Variants in POLR2B observed in about 807,000 individuals in gnomAD.
POLR2B encodes the protein DNA-directed RNA polymerase II subunit RPB2.
In POLR2B, 57 loss-of-function variants were observed where a neutral mutation model predicts 144.6. The ratio of observed to expected loss-of-function variants is 0.39; its 90% CI spans 0.32 to 0.49. The LOEUF (loss-of-function observed/expected upper bound fraction) is 0.49, where lower values mean the gene tolerates loss of function less well. Ranked by LOEUF, POLR2B falls within the 20% of genes least tolerant of loss-of-function variation. POLR2B has a pLI of 0.83. For synonymous variants in POLR2B, 442 were observed against 469.8 expected, an observed-to-expected ratio of 0.94 and a Z score of 0.77; for missense variants, 595 against 1,467.4, an observed-to-expected ratio of 0.41 and a Z score of 9.71.
Position 57,005,267 on chromosome 4 carries a change from G to A in POLR2B, c.922G>A (p.Ala308Thr). ...ATAGGTTAAACCTTCTCTCGATGAA[G>A]CTTTTGTCATCCAAGAACAGAATGT... ...MEMVKPSLDE[A>T]FVIQEQNVAL... The change falls in exon 8 of 25, where the codon GCT becomes ACT. Residue 308 changes from alanine to threonine, a missense_variant. Ala to Thr is a moderately conservative substitution (Grantham distance 58, BLOSUM62 0). This residue lies in a region of POLR2B where 251 missense variants were observed against 567.3 expected (regional missense o/e 0.44). Coordinates refer to ENST00000314595, the MANE Select transcript of POLR2B (RefSeq NM_000938.3). 6.4e-7 allele frequency: 1 copy of A among 1,567,250 alleles called. No individual in the cohort carries two copies.
intron 3 of POLR2B, among the ~76,000 whole-genome samples, chr4:56,992,492 A>AAAAAAAAG (rs760090936): frequency 6.0e-4 from 53 of 88,502 alleles, no homozygotes; most frequent in South Asian, 8.6e-4. Flanking sequence ...AAAAAAAAAA[A>AAAAAAAAG]GAAAAGAAAA....
At chr4:57,005,784 C>T in intron 9 of POLR2B, 65 bp downstream of exon 9, 2 of 1,460,644 alleles carry the variant, frequency 1.4e-6, no homozygotes, top group Non-Finnish European at 1.9e-6. Flanking sequence ...TTGATCATTG[C>T]ATATGGCCAG....
chr4:56,998,174 G>A (rs1578567716), intron 6 of POLR2B, among the ~76,000 whole-genome samples: 1 of 152,022 alleles, frequency 6.6e-6, no homozygotes, highest in Middle Eastern at 3.4e-3. Flanking sequence ...TTCAGTTTTA[G>A]ATAAGATTTT....
Position 57,010,455 on chromosome 4 carries a change from AG to A in POLR2B, c.1500del (p.Gln500HisfsTer21). 1 of 1,614,138 alleles carries A rather than the reference AG, an allele frequency of 6.2e-7. No individual in the cohort carries two copies. The highest frequency in any genetic ancestry group is 8.5e-7 in the Non-Finnish European group (1 of 1,180,008). On this transcript the variant is annotated frameshift_variant, in exon 11 of 25. Coordinates refer to ENST00000314595, the MANE Select transcript of POLR2B (RefSeq NM_000938.3). LOFTEE classifies it high-confidence loss of function. Reference protein sequence around the residue: ...GRDGKLAKPRQLHNTLWGMVC... With the variant: ...GRDGKLAKPRXLHNTLWGMVC... The stretch of plus-strand genomic sequence containing the variant: ...GACGGCAAGCTAGCAAAACCAAGAC[AG>A]TTGCATAATACGTTGTGGGGAATGG...
At chr4:56,996,248 G>GTATA (rs1472846496) in intron 6 of POLR2B, among the ~76,000 whole-genome samples, 5 of 46,594 alleles carry the variant, frequency 1.1e-4, no homozygotes, top group African/African-American at 4.8e-4. Context: ...GTATGTATAT[G>GTATA]TGTGTGTGTG....
In POLR2B at chr4:56,978,929, T is replaced by C; in HGVS notation, c.-57T>C. 2.6e-6 allele frequency: 4 copies of C among 1,566,092 alleles called. No homozygotes were observed. Among genetic ancestry groups the C allele is most frequent in the South Asian group, 1.1e-5 (1 of 90,016 alleles). The stretch of plus-strand genomic sequence containing the variant: ...TTTAGCTCCTGGCGCTGCTGGCTTC[T>C]GGGCGGTTTTTGTCTTTTGATTTCA... On this transcript the variant is annotated 5_prime_UTR_variant, in exon 1 of 25. Coordinates refer to ENST00000314595, the MANE Select transcript of POLR2B (RefSeq NM_000938.3).
chr4:57,014,740 G>A (rs1466402569), intron 13 of POLR2B, among the ~76,000 whole-genome samples: 1 of 140,262 alleles, frequency 7.1e-6, no homozygotes, highest in Admixed American at 7.2e-5. Flanking sequence ...TCCTGACCTC[G>A]TGATCCATCC....
Position 57,022,172 on chromosome 4 carries a change from A to G in POLR2B, c.2441A>G (p.Tyr814Cys), listed in dbSNP as rs1027224995. Residue 814 changes from tyrosine to cysteine, a missense_variant, in exon 18 of 25, where the codon TAC (tyrosine) becomes TGC (cysteine). This residue lies in a region of POLR2B where 39 missense variants were observed against 174.3 expected (regional missense o/e 0.22). Transcript: ENST00000314595. ...GFFRSVFYRS[Y>C]KEQESKKGFD... ...TTTAGGTCTGTTTTCTATCGCTCAT[A>G]CAAAGAACAGGAGTCTAAAAAAGGA... 6.2e-7 allele frequency: 1 copy of G among 1,609,572 alleles called. No individual in the cohort carries two copies. Among genetic ancestry groups the G allele is most frequent in the Non-Finnish European group, 8.5e-7 (1 of 1,176,480 alleles).
chr4:56,980,504 T>C (rs1722124278), intron 1 of POLR2B, among the ~76,000 whole-genome samples: 1 of 152,096 alleles, frequency 6.6e-6, no homozygotes, highest in Non-Finnish European at 1.5e-5. Context: ...GGTGGATTAC[T>C]TGAGCTCAGG....
At position 57,010,377 on chromosome 4, in the gene POLR2B, CTT is replaced by C. The variant is rs1560479755; in HGVS notation, c.1424_1425del (p.Phe475CysfsTer16). 1 of 1,613,846 alleles carries C rather than the reference CTT, an allele frequency of 6.2e-7. No homozygotes were observed. Among genetic ancestry groups the C allele is most frequent in the South Asian group, 1.1e-5 (1 of 91,018 alleles). On this transcript the variant is annotated frameshift_variant, in exon 11 of 25. Transcript: ENST00000314595. LOFTEE classifies it high-confidence loss of function. ...TTTTTCTAGGTGTTAAACCGCCTGA[CTT>C]TTGCGTCTACTCTTTCTCACCTGCG...
At position 56,994,838 on chromosome 4, in the gene POLR2B, G is replaced by C. The variant is rs201474145; in HGVS notation, c.548G>C (p.Gly183Ala). The C allele has an allele frequency of 3.7e-6, 6 of 1,606,330 alleles. No individual in the cohort carries two copies. Among genetic ancestry groups the C allele is most frequent in the Non-Finnish European group, 4.3e-6 (5 of 1,174,374 alleles). Residue 183 changes from glycine (G) to alanine (A), a missense_variant, in exon 5 of 25, where the codon GGC becomes GCC. Around this residue, in one of 9 missense-constraint regions of POLR2B, gnomAD observed 251 missense variants for 567.3 expected, o/e 0.44. Coordinates refer to ENST00000314595, the MANE Select transcript of POLR2B (RefSeq NM_000938.3). ...ELNECPLDPG[G>A]YFIINGSEKV... ...AATGAATGCCCTTTGGATCCTGGTG[G>C]CTATTTCATTATTAATGGATCAGAA... is the stretch of plus-strand genomic sequence containing the variant.
rs1722979284 is a variant in POLR2B at position 57,005,227 on chromosome 4, T to C, written c.901-19T>C. On this transcript the variant is annotated intron_variant, in intron 7 of 24. Transcript: ENST00000314595. The stretch of plus-strand genomic sequence containing the variant: ...GCAACATGAATTTGAAAATAACTTT[T>C]ATTTAAATTGTCTGATAGGTTAAAC... 1.4e-6 allele frequency: 2 copies of C among 1,430,986 alleles called. No individual in the cohort carries two copies. The highest frequency in any genetic ancestry group is 1.5e-5 in the South Asian group (1 of 66,644). 88.6% of individuals were successfully genotyped at this position (1,430,986 alleles called of 1,614,324 possible). A position where few individuals can be genotyped will look rare whatever the true frequency, so the allele number is the denominator to read the frequency against.
intron 1 of POLR2B, among the ~76,000 whole-genome samples, chr4:56,981,861 G>A (rs981111994): frequency 3.9e-5 from 6 of 152,148 alleles, no homozygotes; most frequent in African/African-American, 1.4e-4. Context: ...CATTAAGATA[G>A]CTCTAAGATT....
At chr4:56,996,262 G>GTATACA (rs1553910009) in intron 6 of POLR2B, among the ~76,000 whole-genome samples, 6 of 88,882 alleles carry the variant, frequency 6.8e-5, no homozygotes, top group African/African-American at 2.9e-4. Flanking sequence ...GTGTGTGTGT[G>GTATACA]TATATATATA....
chr4:56,995,284 A>G lies in POLR2B; in HGVS notation c.610A>G (p.Thr204Ala). Residue 204 changes from threonine (T) to alanine (A), a missense_variant, in exon 6 of 25, where the codon ACA (threonine) becomes GCA (alanine). Physicochemically the swap from Thr to Ala is moderately conservative, Grantham distance 58. Transcript: ENST00000314595. ...LIAQEKMATN[T>A]VYVFAKKDSK... The stretch of plus-strand genomic sequence containing the variant: ...TGCCCAAGAGAAAATGGCAACAAAC[A>G]CAGTTTATGTGTTTGCCAAAAAGGA... The G allele has an allele frequency of 6.2e-7, 1 of 1,612,012 alleles. No individual in the cohort carries two copies. The highest frequency in any genetic ancestry group is 8.5e-7 in the Non-Finnish European group (1 of 1,178,506).
chr4:56,990,092 T>A (rs551337188), intron 2 of POLR2B, among the ~76,000 whole-genome samples: 2 of 152,324 alleles, frequency 1.3e-5, no homozygotes, highest in African/African-American at 4.8e-5. Context: ...TTTTAGTCAT[T>A]AATATCACTA....
In POLR2B at chr4:56,999,527, A is replaced by G. The variant is rs1359059305; in HGVS notation, c.736-90A>G. On this transcript the variant is annotated intron_variant, in intron 6 of 24. Coordinates refer to ENST00000314595, the MANE Select transcript of POLR2B (RefSeq NM_000938.3). ...TGCTTCTTTTGAAATGTGCACAAAG[A>G]ATATATATATATTAAATAGTTCTCT... 5.0e-6 allele frequency: 4 copies of G among 802,488 alleles called. No homozygotes were observed. The African/African-American group carries it at 5.3e-5, about 11-fold the overall frequency. 49.7% of individuals were successfully genotyped at this position (802,488 alleles called of 1,614,324 possible). A position where few individuals can be genotyped will look rare whatever the true frequency, so the allele number is the denominator to read the frequency against.
chr4:57,021,074 C>T (rs1723531298), intron 17 of POLR2B, 79 bp downstream of exon 17: 1 of 819,170 alleles, frequency 1.2e-6, no homozygotes, highest in Admixed American at 1.8e-5. Flanking sequence ...TCTTAAAATA[C>T]AGTTTAACTA....
intron 9 of POLR2B, 79 bp from the exon 10 acceptor site, chr4:57,006,734 CTTT>C: frequency 8.6e-7 from 1 of 1,164,042 alleles, no homozygotes; most frequent in Non-Finnish European, 1.2e-6. Flanking sequence ...CTTCCCCACG[CTTT>C]TTTTTGCAAT....
Sources: gnomAD v4.1 joint callset for allele counts (sites outside exome capture counted in the v4.1 genomes callset) on GRCh38, gnomAD v4.1.1 for gene constraint, gnomAD v4.1.1 regional missense constraint, MANE v1.5 for transcripts, NCBI Gene and HGNC (gene_info 2026-07-23, HGNC 2026-07-21) for gene names.